DLGAP2: variants seen among roughly 807,000 people sequenced by gnomAD.
DLGAP2 encodes DLG associated protein 2.
DLGAP2 carries 26 observed loss-of-function variants against 100.3 expected under a neutral mutation model. The observed-to-expected ratio is 0.26, with a 90% CI of 0.19 to 0.36. DLGAP2 has a LOEUF of 0.36. Among genes scored for constraint, DLGAP2 ranks in the 10% least tolerant of loss-of-function variants. The pLI is 1.00. For missense variants in DLGAP2, 1,858 were observed against 1,453.2 expected, an observed-to-expected ratio of 1.28 and a Z score of -4.53; for synonymous variants, 886 against 630.1, an observed-to-expected ratio of 1.41 and a Z score of -6.08.
intron 3 of DLGAP2, among the ~76,000 whole-genome samples, chr8:1,446,487 T>G (rs1797989504): frequency 1.3e-5 from 2 of 152,210 alleles, no homozygotes; most frequent in South Asian, 2.1e-4. Flanking sequence ...CTGTTTTGGT[T>G]ACTGTTGCCT....
chr8:1,335,571 G>T (rs985156429), intron 3 of DLGAP2, among the ~76,000 whole-genome samples: 1 of 152,182 alleles, frequency 6.6e-6, no homozygotes, highest in Non-Finnish European at 1.5e-5. Flanking sequence ...GCGATTGTTG[G>T]TAGGGCAGGG....
intron 1 of DLGAP2, among the ~76,000 whole-genome samples, chr8:807,013 C>T (rs918752201): frequency 3.9e-5 from 6 of 152,190 alleles, no homozygotes; most frequent in Admixed American, 2.6e-4. Context: ...CCCTGAATCT[C>T]CTACCTGGGA....
intron 1 of DLGAP2, among the ~76,000 whole-genome samples, chr8:879,426 G>C (rs1056796411): frequency 2.0e-5 from 3 of 152,186 alleles, no homozygotes. Context: ...TTCCCATGCA[G>C]GTGTCACTTT....
rs145502801 is a variant in DLGAP2, at chr8:896,414, G to C, written c.19-11498G>C. 6.5e-3 allele frequency among the ~76,000 whole-genome samples: 990 copies of C among 152,084 alleles called. 9 individuals are homozygous for C. The highest frequency in any genetic ancestry group is 0.011 in the Non-Finnish European group (759 of 67,958). ...AGCTGCCGGGATGGTGTGACACCAG[G>C]GCGGGGGGGCTGGGTGGTGGGGAGA... On this transcript the variant is annotated intron_variant, in intron 1 of 14. Transcript: ENST00000637795.
At chr8:1,473,593 T>C (rs573471771) in intron 3 of DLGAP2, among the ~76,000 whole-genome samples, 1 of 152,258 alleles carries the variant, frequency 6.6e-6, no homozygotes, top group Non-Finnish European at 1.5e-5. Context: ...AAGCGAGCTT[T>C]GGGGTGATGG....
At chr8:1,303,180 A>G (rs375687428) in intron 3 of DLGAP2, among the ~76,000 whole-genome samples, 42 of 152,186 alleles carry the variant, frequency 2.8e-4, no homozygotes, top group African/African-American at 3.1e-4. Context: ...GGTGGATCAC[A>G]AGGTCAGGAG....
intron 3 of DLGAP2, among the ~76,000 whole-genome samples, chr8:1,485,434 G>A (rs1043159658): frequency 6.6e-6 from 1 of 152,262 alleles, no homozygotes; most frequent in Non-Finnish European, 1.5e-5. Flanking sequence ...CAAGTGCCAT[G>A]AGGCTTCACA....
At chr8:1,340,359 G>A (rs1585276526) in intron 3 of DLGAP2, among the ~76,000 whole-genome samples, 2 of 152,152 alleles carry the variant, frequency 1.3e-5, no homozygotes, top group African/African-American at 4.8e-5. Context: ...CTAATATCTG[G>A]CATCTATGAG....
rs200507053 is a variant in DLGAP2, at chr8:752,339, T to A, written c.18+14514T>A. On this transcript the variant is annotated intron_variant, in intron 1 of 14. Transcript: ENST00000637795. ...GTGCACGTTGCTCAATGCTCATGCC[T>A]CGCCTTCCTCCAGCCTAGTGTGCCC... 1.6e-4 allele frequency among the ~76,000 whole-genome samples: 24 copies of A among 152,308 alleles called. No homozygotes were observed. The East Asian group carries it at 3.7e-3, about 23-fold the overall frequency.
At chr8:853,943 G>C (rs1459276379) in intron 1 of DLGAP2, among the ~76,000 whole-genome samples, 1 of 152,108 alleles carries the variant, frequency 6.6e-6, no homozygotes, top group African/African-American at 2.4e-5. Context: ...GCCGCCACAG[G>C]TGGGATAAGT....
intron 1 of DLGAP2, among the ~76,000 whole-genome samples, chr8:856,804 C>T (rs1015823220): frequency 5.9e-5 from 9 of 152,214 alleles, no homozygotes; most frequent in Admixed American, 1.3e-4. Flanking sequence ...TTTTTCTTAA[C>T]GTGTTCTATA....
intron 1 of DLGAP2, among the ~76,000 whole-genome samples, chr8:886,853 G>A (rs1429270638): frequency 6.6e-6 from 1 of 152,200 alleles, no homozygotes; most frequent in Non-Finnish European, 1.5e-5. Context: ...TGTTGATTGG[G>A]GGTAGAGAGT....
At chr8:1,516,503 G>C (rs1235478234) in intron 4 of DLGAP2, among the ~76,000 whole-genome samples, 1 of 151,108 alleles carries the variant, frequency 6.6e-6, no homozygotes, top group Non-Finnish European at 1.5e-5. Flanking sequence ...GAATGAGTGA[G>C]TGAATGAGTT....
chr8:1,392,988 C>G (rs1180551512), intron 3 of DLGAP2, among the ~76,000 whole-genome samples: 1 of 83,402 alleles, frequency 1.2e-5, no homozygotes, highest in Non-Finnish European at 2.4e-5. Flanking sequence ...TCCGAGGCCT[C>G]AGGAAGGCAT....
At chr8:865,362 G>A (rs1460975519) in intron 1 of DLGAP2, among the ~76,000 whole-genome samples, 3 of 152,182 alleles carry the variant, frequency 2.0e-5, no homozygotes, top group Admixed American at 6.5e-5. Context: ...AGCTTCTGGC[G>A]GAGAAGATGG....
chr8:1,148,384 C>A (rs1796641583), intron 2 of DLGAP2, among the ~76,000 whole-genome samples: 1 of 151,778 alleles, frequency 6.6e-6, no homozygotes, highest in African/African-American at 2.4e-5. Flanking sequence ...ATCAATATTA[C>A]TAGTCTTTTA....
intron 4 of DLGAP2, among the ~76,000 whole-genome samples, chr8:1,513,736 A>T (rs1800261687): frequency 6.6e-6 from 1 of 152,220 alleles, no homozygotes; most frequent in African/African-American, 2.4e-5. Flanking sequence ...ATAAACAATT[A>T]TAGATGTGTA....
chr8:1,628,920 G>A (rs1797576887), intron 7 of DLGAP2, among the ~76,000 whole-genome samples: 1 of 152,254 alleles, frequency 6.6e-6, no homozygotes, highest in Non-Finnish European at 1.5e-5. Flanking sequence ...GACAATGGAA[G>A]TACACAGTCA....
intron 3 of DLGAP2, among the ~76,000 whole-genome samples, chr8:1,337,450 A>ATAATGGTGATGATGT (rs1563091537): frequency 5.2e-4 from 53 of 102,566 alleles, no homozygotes; most frequent in South Asian, 7.2e-4. Context: ...GATGATGGTG[A>ATAATGGTGATGATGT]TGATGGTGAG....
Sources: gnomAD v4.1 joint callset for allele counts (sites outside exome capture counted in the v4.1 genomes callset) on GRCh38, gnomAD v4.1.1 for gene constraint, MANE v1.5 for transcripts, NCBI Gene and HGNC (gene_info 2026-07-23, HGNC 2026-07-21) for gene names.